Variants in CEP85L observed in about 807,000 individuals in gnomAD.
The protein encoded by CEP85L is centrosomal protein of 85 kDa-like.
A neutral mutation model predicts 100.3 loss-of-function variants in CEP85L; 60 were observed. The ratio of observed to expected loss-of-function variants is 0.60; its 90% CI spans 0.49 to 0.74. The LOEUF (loss-of-function observed/expected upper bound fraction) is 0.74, where lower values mean the gene tolerates loss of function less well. Among genes scored for constraint, CEP85L ranks in the 30% least tolerant of loss-of-function variants. CEP85L has a pLI of 0.00. For synonymous variants in CEP85L, 319 were observed against 322.7 expected (o/e 0.99, Z 0.12); for missense variants, 973 against 936.2 (o/e 1.04, Z -0.51).
chr6:118,592,049 T>C (rs1781218385), intron 2 of CEP85L, among the ~76,000 whole-genome samples: 1 of 152,206 alleles, frequency 6.6e-6, no homozygotes, highest in African/African-American at 2.4e-5. Context: ...TGCTACCATC[T>C]ATAAATAAAG....
At chr6:118,579,839 G>A (rs1287658003) in intron 2 of CEP85L, among the ~76,000 whole-genome samples, 4 of 152,188 alleles carry the variant, frequency 2.6e-5, no homozygotes, top group African/African-American at 9.6e-5. Flanking sequence ...CTGAAGGGCG[G>A]GCCAGCAAGC....
chr6:118,557,054 T>C (rs983279860), intron 3 of CEP85L, among the ~76,000 whole-genome samples: 24 of 152,182 alleles, frequency 1.6e-4, no homozygotes, highest in African/African-American at 5.1e-4. Context: ...AGTGAGATAA[T>C]AATAATTACT....
chr6:118,520,915 A>G (rs1776627931), intron 4 of CEP85L, among the ~76,000 whole-genome samples: 1 of 152,060 alleles, frequency 6.6e-6, no homozygotes, highest in Non-Finnish European at 1.5e-5. Flanking sequence ...TTCTCATGAG[A>G]TGGGGAGCAT....
chr6:118,652,406 C>A, upstream of CEP85L: 2 of 1,100,844 alleles, frequency 1.8e-6, no homozygotes, highest in Non-Finnish European at 2.2e-6. Flanking sequence ...AATCTTACTT[C>A]TCACTGGCAA....
intron 2 of CEP85L, among the ~76,000 whole-genome samples, chr6:118,571,127 ATGT>A: frequency 6.6e-6 from 1 of 152,296 alleles, no homozygotes; most frequent in South Asian, 2.1e-4. Flanking sequence ...AGTCTAGAAA[ATGT>A]TAACTTTAAC....
upstream of CEP85L, among the ~76,000 whole-genome samples, chr6:118,654,907 A>G (rs2115395897): frequency 6.6e-6 from 1 of 152,356 alleles, no homozygotes; most frequent in East Asian, 1.9e-4. Context: ...GCTCACCAAG[A>G]AAAAATAACA....
Position 118,462,692 on chromosome 6 carries a change from T to C in CEP85L, c.*2713A>G, listed in dbSNP as rs1054076032. ...ATTGGTGTCATAACTTCCACGAACA[T>C]CCTAGTTCAAACTGGGTGAGATGCT... On this transcript the variant is annotated 3_prime_UTR_variant, in exon 13 of 13. Coordinates refer to ENST00000368491, the MANE Select transcript of CEP85L (RefSeq NM_001042475.3). 5.9e-5 allele frequency: 9 copies of C among 151,992 alleles called. No individual in the cohort carries two copies. The highest frequency in any genetic ancestry group is 2.2e-4 in the African/African-American group (9 of 41,418). 9.4% of individuals were successfully genotyped at this position (151,992 alleles called of 1,614,324 possible). A position where few individuals can be genotyped will look rare whatever the true frequency, so the allele number is the denominator to read the frequency against.
chr6:118,706,130 T>A (rs1219483800), intron 1 of CEP85L, among the ~76,000 whole-genome samples: 4 of 152,216 alleles, frequency 2.6e-5, no homozygotes, highest in Admixed American at 2.0e-4. Context: ...ATCCAGCATG[T>A]AATGAATACT....
chr6:118,638,130 G>T (rs1333599896), intron 1 of CEP85L, among the ~76,000 whole-genome samples: 1 of 151,570 alleles, frequency 6.6e-6, no homozygotes, highest in Non-Finnish European at 1.5e-5. Context: ...TGTAATACCA[G>T]CTACTCAGGA....
At chr6:118,567,641 T>C (rs1019332167) in intron 2 of CEP85L, among the ~76,000 whole-genome samples, 16 of 152,146 alleles carry the variant, frequency 1.1e-4, no homozygotes, top group African/African-American at 3.9e-4. Context: ...TGGAGACCTT[T>C]GCAATTTATT....
chr6:118,657,101 A>T (rs1473764143), upstream of CEP85L: 1 of 152,204 alleles, frequency 6.6e-6, no homozygotes, highest in Non-Finnish European at 1.5e-5. Context: ...TCCGCTTTCC[A>T]GAAAAGCCAA....
Position 118,566,321 on chromosome 6 carries a change from A to G in CEP85L, c.233-5T>C. 6.2e-7 allele frequency: 1 copy of G among 1,602,242 alleles called. No homozygotes were observed. The highest frequency in any genetic ancestry group is 8.5e-7 in the Non-Finnish European group (1 of 1,174,848). ...TGCCACTTGAAGTTGAATGATCTGG[A>G]AAGAAAAAAGATGGTCAAATTAGTT... On this transcript the variant is annotated splice_polypyrimidine_tract_variant and splice_region_variant and intron_variant, in intron 2 of 12. Transcript: ENST00000368491.
At chr6:118,615,447 A>AG in intron 2 of CEP85L, among the ~76,000 whole-genome samples, 1 of 151,994 alleles carries the variant, frequency 6.6e-6, no homozygotes, top group Non-Finnish European at 1.5e-5. Flanking sequence ...GGAAAAAAAA[A>AG]AACCTCAGTC....
intron 2 of CEP85L, among the ~76,000 whole-genome samples, chr6:118,583,388 C>CT (rs1427019187): frequency 6.6e-6 from 1 of 152,186 alleles, no homozygotes; most frequent in African/African-American, 2.4e-5. Flanking sequence ...ACGAAAAACT[C>CT]TAACCCAATA....
chr6:118,680,212 G>A (rs982531592), intron 1 of CEP85L, among the ~76,000 whole-genome samples: 3 of 148,532 alleles, frequency 2.0e-5, no homozygotes, highest in African/African-American at 7.4e-5. Flanking sequence ...AGGATCACTT[G>A]AGCCCAGGAG....
intron 1 of CEP85L, among the ~76,000 whole-genome samples, chr6:118,682,519 C>CT (rs1776699163): frequency 6.6e-6 from 1 of 151,756 alleles, no homozygotes; most frequent in Non-Finnish European, 1.5e-5. Flanking sequence ...AGTTTCACCT[C>CT]CAGGGGTACA....
intron 4 of CEP85L, among the ~76,000 whole-genome samples, chr6:118,519,899 TTATAAA>T (rs1475796287): frequency 6.6e-6 from 1 of 152,040 alleles, no homozygotes; most frequent in East Asian, 1.9e-4. Flanking sequence ...CCAATATCTC[TTATAAA>T]TATAAATGTA....
chr6:118,500,731 C>T (rs6925641), intron 5 of CEP85L, among the ~76,000 whole-genome samples: 72,387 of 152,022 alleles, frequency 0.48, 17,627 homozygotes, highest in Middle Eastern at 0.58. Context: ...CAAACAGCAA[C>T]AAAATCGGGT....
At chr6:118,540,219 G>A (rs540099615) in intron 3 of CEP85L, among the ~76,000 whole-genome samples, 3 of 152,154 alleles carry the variant, frequency 2.0e-5, no homozygotes, top group African/African-American at 7.2e-5. Context: ...TTAGCATACT[G>A]TAATAGTAAT....
Sources: allele counts gnomAD v4.1 joint callset (sites outside exome capture counted in the v4.1 genomes callset), GRCh38; gene constraint gnomAD v4.1.1; transcripts MANE v1.5; gene names NCBI Gene and HGNC (gene_info 2026-07-23, HGNC 2026-07-21).